Variants in GLI3 observed in about 807,000 individuals in gnomAD.
The protein encoded by GLI3 is transcription activator GLI3.
GLI3 carries 20 observed loss-of-function variants against 100.8 expected under a neutral mutation model. That is an observed-to-expected ratio of 0.20 (90% CI 0.14 to 0.29). The LOEUF (loss-of-function observed/expected upper bound fraction) is 0.29. Ranked by LOEUF, GLI3 falls within the 10% of genes least tolerant of loss-of-function variation. GLI3 has a pLI of 1.00. For synonymous variants in GLI3, 938 were observed against 860.5 expected (o/e 1.09, Z -1.58); for missense variants, 2,040 against 2,128.5 (o/e 0.96, Z 0.82).
At chr7:42,235,877 A>G (rs1243607434) in intron 1 of GLI3, among the ~76,000 whole-genome samples, 3 of 152,272 alleles carry the variant, frequency 2.0e-5, no homozygotes, top group Non-Finnish European at 4.4e-5. Flanking sequence ...ATGTACATAT[A>G]AACTGGCAGA....
At chr7:42,061,348 T>G (rs557740346) in intron 4 of GLI3, among the ~76,000 whole-genome samples, 1 of 152,198 alleles carries the variant, frequency 6.6e-6, no homozygotes, top group Non-Finnish European at 1.5e-5. Flanking sequence ...AGTATCATCA[T>G]CATCCTCATC....
At chr7:42,201,292 A>T (rs371901164) in intron 2 of GLI3, among the ~76,000 whole-genome samples, 2 of 152,322 alleles carry the variant, frequency 1.3e-5, no homozygotes, top group African/African-American at 4.8e-5. Flanking sequence ...ATGGGTAACT[A>T]AAACCTCAGA....
At chr7:42,060,435 A>AT (rs1352261564) in intron 4 of GLI3, among the ~76,000 whole-genome samples, 3 of 152,074 alleles carry the variant, frequency 2.0e-5, no homozygotes, top group Non-Finnish European at 4.4e-5. Flanking sequence ...AAGATGATGG[A>AT]TTTTTTTTCT....
rs571528342 is a variant in GLI3, at chr7:42,149,001, T to C, written c.125-533A>G. On this transcript the variant is annotated intron_variant, in intron 2 of 14. Coordinates refer to ENST00000395925, the MANE Select transcript of GLI3 (RefSeq NM_000168.6). ...TATTAGGAAGCTATCCAAAAGTTTATGCTGTTTTGTTGTTTTAAGTCAGAT... is the reference window on the plus strand; with the variant it reads ...TATTAGGAAGCTATCCAAAAGTTTACGCTGTTTTGTTGTTTTAAGTCAGAT... 5.9e-5 allele frequency among the ~76,000 whole-genome samples: 9 copies of C among 152,328 alleles called. 1 individual carries two copies. In the South Asian group the frequency reaches 1.7e-3, roughly 28 times the overall value.
intron 10 of GLI3, among the ~76,000 whole-genome samples, chr7:42,007,275 T>C (rs28755890): frequency 0.062 from 9,283 of 149,136 alleles, 415 homozygotes; most frequent in Non-Finnish European, 0.096. Flanking sequence ...CAGCAAGATA[T>C]TGCTACGCAA....
At chr7:42,218,244 G>A (rs1175224659) in intron 2 of GLI3, among the ~76,000 whole-genome samples, 2 of 151,998 alleles carry the variant, frequency 1.3e-5, no homozygotes, top group East Asian at 1.9e-4. Context: ...TCTTTATGGC[G>A]TGAACTGCCT....
intron 10 of GLI3, among the ~76,000 whole-genome samples, chr7:41,980,247 G>C (rs1055946364): frequency 1.3e-5 from 2 of 152,200 alleles, no homozygotes; most frequent in African/African-American, 4.8e-5. Flanking sequence ...GGTTTCCTAT[G>C]AAAAGCCAGC....
chr7:42,137,157 G>A (rs1341957235), intron 3 of GLI3, among the ~76,000 whole-genome samples: 1 of 152,140 alleles, frequency 6.6e-6, no homozygotes, highest in Non-Finnish European at 1.5e-5. Flanking sequence ...AAAGCCCATG[G>A]CATAACATTG....
At chr7:42,263,604 G>A (rs1164964666) in intron 1 of GLI3, among the ~76,000 whole-genome samples, 1 of 152,018 alleles carries the variant, frequency 6.6e-6, no homozygotes, top group Non-Finnish European at 1.5e-5. Flanking sequence ...GTGCCACCAT[G>A]CCCTGCTAAT....
intron 1 of GLI3, among the ~76,000 whole-genome samples, chr7:42,262,584 T>C (rs2128712170): frequency 6.6e-6 from 1 of 152,302 alleles, no homozygotes; most frequent in Non-Finnish European, 1.5e-5. Flanking sequence ...AACTAGTCAC[T>C]AAGTGAATTC....
intron 3 of GLI3, among the ~76,000 whole-genome samples, chr7:42,124,663 T>A (rs754954147): frequency 8.5e-5 from 13 of 152,222 alleles, no homozygotes; most frequent in Admixed American, 4.6e-4. Flanking sequence ...CCCGACTTGC[T>A]TGCCTTCAAG....
At chr7:41,978,238 A>G (rs976903577) in intron 11 of GLI3, among the ~76,000 whole-genome samples, 5 of 152,114 alleles carry the variant, frequency 3.3e-5, no homozygotes, top group African/African-American at 9.7e-5. Flanking sequence ...GGAAGGGAAA[A>G]CTTTAAAACC....
chr7:41,977,481 T>C (rs1222290791), intron 12 of GLI3, 77 bp downstream of exon 12: 6 of 1,448,536 alleles, frequency 4.1e-6, no homozygotes, highest in African/African-American at 2.8e-5. Flanking sequence ...CAGAACACAC[T>C]GCGCCTTCCC....
At chr7:42,033,753 C>T (rs1029858512) in intron 7 of GLI3, among the ~76,000 whole-genome samples, 4 of 152,064 alleles carry the variant, frequency 2.6e-5, no homozygotes, top group Non-Finnish European at 4.4e-5. Context: ...AATGGGCCAA[C>T]AGCTATCATT....
Position 42,255,122 on chromosome 7 carries a change from C to T in GLI3, c.-43+8872G>A, listed in dbSNP as rs566983729. ...TGCATAGGATTCTTTTAGTTTGGAA[C>T]GCTATTTTTTTCTTCCCCACTTTCT... On this transcript the variant is annotated intron_variant, in intron 1 of 2. Coordinates refer to the GLI3 transcript ENST00000678978. Among the ~76,000 whole-genome samples, 39 of 148,926 alleles carry T rather than the reference C, an allele frequency of 2.6e-4. 1 individual carries two copies. The South Asian group carries it at 7.8e-3, about 30-fold the overall frequency.
At chr7:42,207,431 T>G (rs1788178742) in intron 2 of GLI3, among the ~76,000 whole-genome samples, 1 of 152,238 alleles carries the variant, frequency 6.6e-6, no homozygotes, top group South Asian at 2.1e-4. Context: ...GGTAAGGTTT[T>G]CACCTATCCT....
intron 10 of GLI3, among the ~76,000 whole-genome samples, chr7:41,988,200 G>T (rs550319322): frequency 6.6e-5 from 10 of 152,234 alleles, no homozygotes; most frequent in African/African-American, 2.2e-4. Context: ...GGTGGCTCAC[G>T]CCTGTAATCC....
At position 42,219,055 on chromosome 7, in the gene GLI3, C is replaced by A. The variant is rs1268764253; in HGVS notation, c.124+4075G>T. ...ATTATTTAGAAAACACAACATGTAG[C>A]TTATGAAGTAATGCATCTACATCAA... On this transcript the variant is annotated intron_variant, in intron 2 of 14. Coordinates refer to ENST00000395925, the MANE Select transcript of GLI3 (RefSeq NM_000168.6). Among the ~76,000 whole-genome samples, 5 of 152,122 alleles carry A rather than the reference C, an allele frequency of 3.3e-5. No individual in the cohort carries two copies. The South Asian group carries it at 8.3e-4, about 25-fold the overall frequency.
chr7:41,976,726 C>A (rs1324001524), intron 12 of GLI3, among the ~76,000 whole-genome samples: 1 of 152,136 alleles, frequency 6.6e-6, no homozygotes, highest in Non-Finnish European at 1.5e-5. Context: ...TATTTCCACT[C>A]AAAATGTGGG....
Sources: gnomAD v4.1 joint callset for allele counts (sites outside exome capture counted in the v4.1 genomes callset) on GRCh38, gnomAD v4.1.1 for gene constraint, MANE v1.5 for transcripts, NCBI Gene and HGNC (gene_info 2026-07-23, HGNC 2026-07-21) for gene names.